GCA: variants seen among roughly 807,000 people sequenced by gnomAD.
GCA encodes grancalcin.
GCA carries 30 observed loss-of-function variants against 32.6 expected under a neutral mutation model. The ratio of observed to expected loss-of-function variants is 0.92; its 90% CI spans 0.69 to 1.25. The LOEUF is 1.25. Ranked by LOEUF, GCA falls within the 50% of genes most tolerant of loss-of-function variation. GCA has a pLI of 0.00. For synonymous variants in GCA, 102 were observed against 84.6 expected, an observed-to-expected ratio of 1.21 and a Z score of -1.13; for missense variants, 291 against 266.8, an observed-to-expected ratio of 1.09 and a Z score of -0.63.
chr2:162,324,148 A>C lies in GCA; in HGVS notation c.-31+4923A>C, dbSNP rs927982918. ...TGAAGCCTCAGTGGGCGTGTGTTAC[A>C]GGGTGATCTTTTAGTTTTGCTGTCT... On this transcript the variant is annotated intron_variant, in intron 1 of 4. Coordinates refer to the GCA transcript ENST00000429691. Among the ~76,000 whole-genome samples, 10 of 152,124 alleles carry C rather than the reference A, an allele frequency of 6.6e-5. 1 individual carries two copies. Among genetic ancestry groups the C allele is most frequent in the African/African-American group, 1.9e-4 (8 of 41,426 alleles).
chr2:162,365,747 A>G (rs1273530361), downstream of GCA, among the ~76,000 whole-genome samples: 2 of 151,674 alleles, frequency 1.3e-5, no homozygotes, highest in African/African-American at 4.8e-5. Context: ...ATGTGCCTTT[A>G]ATTGAAATCA....
chr2:162,327,543 C>T (rs1683929686), intron 1 of GCA, among the ~76,000 whole-genome samples: 1 of 152,152 alleles, frequency 6.6e-6, no homozygotes, highest in South Asian at 2.1e-4. Context: ...GTTCTGTTGA[C>T]ATATTAAGCA....
intron 1 of GCA, 26 bp downstream of exon 1, chr2:162,344,301 C>A: frequency 6.2e-7 from 1 of 1,611,844 alleles, no homozygotes; most frequent in South Asian, 1.1e-5. Context: ...TTGGTCGTGT[C>A]CCTCTTCCTC....
chr2:162,371,168 T>C, intron 4 of GCA: 1 of 351,516 alleles, frequency 2.8e-6, no homozygotes, highest in South Asian at 2.3e-5. Context: ...CTTTAGATGG[T>C]TTGTAAATGC....
At position 162,356,873 on chromosome 2, in the gene GCA, A is replaced by T. The variant is rs748342688; in HGVS notation, c.422A>T (p.His141Leu). The change falls in exon 5 of 8, where the codon CAT (histidine) becomes CTT (leucine). Residue 141 changes from histidine (H) to leucine (L), a missense_variant. His to Leu is a moderately conservative substitution (Grantham distance 99). Transcript: ENST00000437150. Reference sequence around the variant, plus strand: ...CAAGATGGAAGTGGCACAGTAGAACATCATGAGTTGCGTCAAGCCATTGGT... The same window carrying T: ...CAAGATGGAAGTGGCACAGTAGAACTTCATGAGTTGCGTCAAGCCATTGGT... ...VDQDGSGTVE[H>L]HELRQAIGLM... 1.9e-6 allele frequency: 3 copies of T among 1,610,168 alleles called. No homozygotes were observed. In the South Asian group the frequency reaches 3.3e-5, roughly 18 times the overall value.
chr2:162,346,447 A>G (rs891497382), intron 1 of GCA: 1 of 152,228 alleles, frequency 6.6e-6, no homozygotes, highest in Non-Finnish European at 1.5e-5. Flanking sequence ...AAAGGCACAG[A>G]CTATTTCTCC....
chr2:162,338,539 G>A (rs1388838341), intron 1 of GCA, among the ~76,000 whole-genome samples: 3 of 151,584 alleles, frequency 2.0e-5, no homozygotes, highest in African/African-American at 4.8e-5. Flanking sequence ...TACAGAAGCG[G>A]GTTACTAACC....
rs1386227710 is a variant in GCA, at chr2:162,362,522, T to C, written c.*2279T>C. ...TTACACCCCAGTTCTTTTACGATGATGTAAATTATTGAATAATGTACACTC... is the reference window on the plus strand; with the variant it reads ...TTACACCCCAGTTCTTTTACGATGACGTAAATTATTGAATAATGTACACTC... On this transcript the variant is annotated 3_prime_UTR_variant, in exon 8 of 8. Transcript: ENST00000437150. The C allele has an allele frequency of 7.2e-6, 7 of 966,770 alleles. No homozygotes were observed. Among genetic ancestry groups the C allele is most frequent in the Non-Finnish European group, 8.6e-6 (7 of 813,114 alleles). The allele number at this position is 966,770 out of a possible 1,614,324, so 59.9% of individuals were successfully genotyped here.
intron 1 of GCA, among the ~76,000 whole-genome samples, chr2:162,331,181 T>C (rs551729122): frequency 6.6e-5 from 10 of 152,230 alleles, no homozygotes; most frequent in Non-Finnish European, 1.5e-4. Context: ...ACAAAAAGGA[T>C]ACTTATTTAT....
chr2:162,363,176 CT>C (rs1299063936), downstream of GCA, among the ~76,000 whole-genome samples: 10 of 151,424 alleles, frequency 6.6e-5, no homozygotes, highest in African/African-American at 2.2e-4. Flanking sequence ...ATGTTTTCTT[CT>C]GCTTTTCTAG....
chr2:162,350,713 A>G (rs1180817603), intron 2 of GCA, among the ~76,000 whole-genome samples: 2 of 152,170 alleles, frequency 1.3e-5, no homozygotes, highest in Non-Finnish European at 2.9e-5. Context: ...CTATGTTTGA[A>G]CTATTTGATA....
downstream of GCA, chr2:162,372,000 C>T (rs1386608179): frequency 1.9e-6 from 3 of 1,613,762 alleles, no homozygotes; most frequent in South Asian, 1.1e-5. Context: ...AAAGTGAAGT[C>T]AAGTTGTCTT....
chr2:162,344,255 T>A lies in GCA; in HGVS notation c.7T>A (p.Tyr3Asn). ...TCCGCTCGTCCCGCTCGTCATGGCC[T>A]ACCCGGGATACGGAGGAGGGGTGAG... MA[Y>N]PGYGGGFGNF... Residue 3 changes from tyrosine (Y) to asparagine (N), a missense_variant, in exon 1 of 8, where the codon TAC (tyrosine) becomes AAC (asparagine). Coordinates refer to ENST00000437150, the MANE Select transcript of GCA (RefSeq NM_012198.5). 1 of 1,613,678 alleles carries A rather than the reference T, an allele frequency of 6.2e-7. No homozygotes were observed. The highest frequency in any genetic ancestry group is 8.5e-7 in the Non-Finnish European group (1 of 1,179,840).
intron 3 of GCA, among the ~76,000 whole-genome samples, chr2:162,353,412 G>A (rs1685100837): frequency 6.6e-6 from 1 of 152,206 alleles, no homozygotes; most frequent in Non-Finnish European, 1.5e-5. Flanking sequence ...AGGTTCCAGT[G>A]AGCTGAGATT....
intron 1 of GCA, among the ~76,000 whole-genome samples, chr2:162,327,273 T>G (rs983043138): frequency 1.1e-4 from 16 of 152,102 alleles, no homozygotes; most frequent in Admixed American, 9.2e-4. Flanking sequence ...TTAGAGTATC[T>G]CAAACGTGCC....
chr2:162,373,682 A>C, downstream of GCA: 1 of 1,421,426 alleles, frequency 7.0e-7, no homozygotes, highest in South Asian at 1.7e-5. Flanking sequence ...AGACAGAAGT[A>C]GGAAAAGACA....
intron 1 of GCA, among the ~76,000 whole-genome samples, chr2:162,323,602 A>G (rs1012637179): frequency 3.3e-5 from 5 of 152,006 alleles, no homozygotes; most frequent in Non-Finnish European, 5.9e-5. Flanking sequence ...GTAAGGAAGG[A>G]ACCCAGTTTC....
intron 1 of GCA, among the ~76,000 whole-genome samples, chr2:162,338,902 G>T (rs1684356458): frequency 6.6e-6 from 1 of 152,156 alleles, no homozygotes; most frequent in African/African-American, 2.4e-5. Context: ...TATATATGCA[G>T]AAAGTATACC....
chr2:162,353,329 G>T (rs182339161), intron 3 of GCA, among the ~76,000 whole-genome samples: 2 of 152,054 alleles, frequency 1.3e-5, no homozygotes, highest in East Asian at 3.9e-4. Context: ...TTAACTGGGC[G>T]TGGTGGCACG....
Sources: gnomAD v4.1 joint callset for allele counts (sites outside exome capture counted in the v4.1 genomes callset) on GRCh38, gnomAD v4.1.1 for gene constraint, MANE v1.5 for transcripts, NCBI Gene and HGNC (gene_info 2026-07-23, HGNC 2026-07-21) for gene names.